ZMYND11: variants seen among roughly 807,000 people sequenced by gnomAD.
The protein encoded by ZMYND11 is zinc finger MYND domain-containing protein 11.
In ZMYND11, 9 loss-of-function variants were observed where a neutral mutation model predicts 84.9. The ratio of observed to expected loss-of-function variants is 0.11; its 90% CI spans 0.06 to 0.18. The LOEUF (loss-of-function observed/expected upper bound fraction) is 0.18. Among genes scored for constraint, ZMYND11 ranks in the 10% least tolerant of loss-of-function variants. ZMYND11 has a pLI of 1.00. For synonymous variants in ZMYND11, 250 were observed against 244.1 expected (o/e 1.02, Z -0.23); for missense variants, 409 against 761.0 (o/e 0.54, Z 5.44).
chr10:238,518 A>G (rs1008180900), intron 6 of ZMYND11, among the ~76,000 whole-genome samples: 5 of 151,760 alleles, frequency 3.3e-5, no homozygotes, highest in East Asian at 1.9e-4. Context: ...CACCACGCCC[A>G]CCTAATTTTT....
chr10:199,313 C>CCCTCTCTT (rs1942554687), intron 2 of ZMYND11, among the ~76,000 whole-genome samples: 1 of 1,990 alleles, frequency 5.0e-4, no homozygotes, highest in African/African-American at 6.1e-4. Flanking sequence ...CTCTCTTCCT[C>CCCTCTCTT]CCTCCCTCCC....
intron 2 of ZMYND11, among the ~76,000 whole-genome samples, chr10:204,833 C>T (rs1380826319): frequency 6.6e-6 from 1 of 151,586 alleles, no homozygotes; most frequent in African/African-American, 2.4e-5. Flanking sequence ...CCTTCAATTC[C>T]TAGAATTAGT....
chr10:239,119 C>T (rs1398332676), intron 6 of ZMYND11, among the ~76,000 whole-genome samples: 3 of 152,170 alleles, frequency 2.0e-5, no homozygotes, highest in African/African-American at 7.2e-5. Flanking sequence ...CCCAAGCATT[C>T]GTGCACTACC....
intron 1 of ZMYND11, among the ~76,000 whole-genome samples, chr10:139,071 G>T (rs573314765): frequency 1.3e-5 from 2 of 151,926 alleles, no homozygotes; most frequent in Non-Finnish European, 2.9e-5. Flanking sequence ...TTCCCAAAGC[G>T]CTGGGACTAT....
intron 10 of ZMYND11, among the ~76,000 whole-genome samples, chr10:244,031 C>T (rs574377674): frequency 1.2e-3 from 189 of 152,162 alleles, no homozygotes; most frequent in African/African-American, 4.2e-3. Context: ...ACAGATGGGA[C>T]TCTTGAGGAC....
chr10:235,157 A>G (rs1302323803), intron 4 of ZMYND11, among the ~76,000 whole-genome samples: 1 of 152,220 alleles, frequency 6.6e-6, no homozygotes, highest in Non-Finnish European at 1.5e-5. Context: ...TGTCAATTAA[A>G]ATTTTTACAA....
chr10:228,838 C>T (rs146673840), intron 4 of ZMYND11, among the ~76,000 whole-genome samples: 44 of 152,124 alleles, frequency 2.9e-4, no homozygotes, highest in African/African-American at 9.2e-4. Context: ...AGCAAGCCAC[C>T]GAGGGGCTTA....
intron 1 of ZMYND11, among the ~76,000 whole-genome samples, chr10:151,375 C>G (rs1554756987): frequency 7.2e-5 from 11 of 152,146 alleles, no homozygotes; most frequent in Non-Finnish European, 4.4e-5. Context: ...TTTAAATGAC[C>G]TGATGGAGCT....
At chr10:245,286 G>C (rs1446917034) in intron 10 of ZMYND11, among the ~76,000 whole-genome samples, 1 of 152,148 alleles carries the variant, frequency 6.6e-6, no homozygotes, top group Non-Finnish European at 1.5e-5. Context: ...AGCATCTAAT[G>C]ATATAGATTA....
At chr10:199,448 T>A (rs1942615636) in intron 2 of ZMYND11, among the ~76,000 whole-genome samples, 2 of 152,102 alleles carry the variant, frequency 1.3e-5, no homozygotes, top group African/African-American at 4.8e-5. Flanking sequence ...ACCATTGTTG[T>A]TTTTCTTGGA....
At chr10:190,047 G>C (rs773641179) in intron 2 of ZMYND11, among the ~76,000 whole-genome samples, 8 of 152,156 alleles carry the variant, frequency 5.3e-5, no homozygotes, top group Non-Finnish European at 5.9e-5. Context: ...TTTAATGCTA[G>C]CATTGAAATT....
At chr10:133,507 C>T (rs1835379830), upstream of ZMYND11, among the ~76,000 whole-genome samples, 1 of 152,096 alleles carries the variant, frequency 6.6e-6, no homozygotes, top group Non-Finnish European at 1.5e-5. Flanking sequence ...TTTAAATGAT[C>T]CCTACAAAGT....
intron 1 of ZMYND11, among the ~76,000 whole-genome samples, chr10:166,600 G>A (rs1027411653): frequency 6.6e-6 from 1 of 151,968 alleles, no homozygotes; most frequent in Admixed American, 6.6e-5. Flanking sequence ...AATACGTGTT[G>A]GTAAAAATGT....
chr10:213,127 C>T (rs535013568), intron 3 of ZMYND11, among the ~76,000 whole-genome samples: 81 of 152,200 alleles, frequency 5.3e-4, no homozygotes, highest in African/African-American at 1.5e-3. Context: ...GAGGTTGTTG[C>T]ATATGGGGGT....
At chr10:211,202 G>GA (rs201851300) in intron 3 of ZMYND11, among the ~76,000 whole-genome samples, 203 of 101,276 alleles carry the variant, frequency 2.0e-3, no homozygotes, top group Admixed American at 4.4e-3. Flanking sequence ...CTCCTAAAAA[G>GA]AAAAAAAAAA....
At chr10:143,933 G>A (rs1838069135) in intron 1 of ZMYND11, among the ~76,000 whole-genome samples, 1 of 151,744 alleles carries the variant, frequency 6.6e-6, no homozygotes, top group African/African-American at 2.4e-5. Context: ...GAGCCCAGGA[G>A]GCAGAGGTTG....
At chr10:200,572 C>T (rs78192448) in intron 2 of ZMYND11, among the ~76,000 whole-genome samples, 7,873 of 151,782 alleles carry the variant, frequency 0.052, 311 homozygotes, top group African/African-American at 0.11. Flanking sequence ...CCACCACTTC[C>T]GGCTGGAAGC....
At chr10:229,788 TC>T (rs1948693252) in intron 4 of ZMYND11, among the ~76,000 whole-genome samples, 1 of 152,232 alleles carries the variant, frequency 6.6e-6, no homozygotes, top group Admixed American at 6.5e-5. Context: ...CATCACCACT[TC>T]CGCTGGACCA....
At chr10:235,954 C>G (rs994855255) in intron 4 of ZMYND11, among the ~76,000 whole-genome samples, 2 of 152,238 alleles carry the variant, frequency 1.3e-5, no homozygotes, top group African/African-American at 4.8e-5. Flanking sequence ...GTCCTTTCCT[C>G]TACTGTATTT....
Sources: allele counts gnomAD v4.1 joint callset (sites outside exome capture counted in the v4.1 genomes callset), GRCh38; gene constraint gnomAD v4.1.1; transcripts MANE v1.5; gene names NCBI Gene and HGNC (gene_info 2026-07-23, HGNC 2026-07-21).